HMGCLL1: variants seen among roughly 807,000 people sequenced by gnomAD.
HMGCLL1 encodes the protein 3-hydroxymethyl-3-methylglutaryl-CoA lyase, cytoplasmic.
HMGCLL1 carries 36 observed loss-of-function variants against 39.1 expected under a neutral mutation model. The observed-to-expected ratio is 0.92, with a 90% CI of 0.71 to 1.22. The LOEUF (loss-of-function observed/expected upper bound fraction) is 1.22, where lower values mean the gene tolerates loss of function less well. Among genes scored for constraint, HMGCLL1 ranks in the 50% most tolerant of loss-of-function variants. The pLI, the probability that HMGCLL1 is intolerant of heterozygous loss-of-function variation, is 0.00. For missense variants in HMGCLL1, 451 were observed against 416.5 expected (o/e 1.08, Z -0.72); for synonymous variants, 149 against 144.0 (o/e 1.03, Z -0.25).
At chr6:55,497,476 G>A (rs1766641053) in intron 6 of HMGCLL1, among the ~76,000 whole-genome samples, 1 of 152,112 alleles carries the variant, frequency 6.6e-6, no homozygotes, top group African/African-American at 2.4e-5. Flanking sequence ...TTTTATGGCA[G>A]GTGCTGTGCT....
chr6:55,577,216 G>A (rs1771803450), intron 1 of HMGCLL1: 1 of 1,529,262 alleles, frequency 6.5e-7, no homozygotes, highest in Admixed American at 2.0e-5. Context: ...TAGTGCTGCT[G>A]TGAGTTCAAT....
intron 7 of HMGCLL1, among the ~76,000 whole-genome samples, chr6:55,457,825 C>T (rs75290568): frequency 6.6e-6 from 1 of 152,014 alleles, no homozygotes. Context: ...TTTTATTAAC[C>T]CACCTTGAGT....
chr6:55,583,147 G>A (rs1312240593), upstream of HMGCLL1, among the ~76,000 whole-genome samples: 1 of 151,908 alleles, frequency 6.6e-6, no homozygotes, highest in African/African-American at 2.4e-5. Flanking sequence ...TGCATGCTTG[G>A]TAATTTGCTT....
chr6:55,520,852 A>T (rs1768000855), intron 3 of HMGCLL1, among the ~76,000 whole-genome samples: 1 of 148,352 alleles, frequency 6.7e-6, no homozygotes, highest in Non-Finnish European at 1.5e-5. Context: ...ACAGTCTGGA[A>T]ATGGCAATAT....
chr6:55,558,450 A>G (rs1770779453), intron 1 of HMGCLL1, among the ~76,000 whole-genome samples: 1 of 152,178 alleles, frequency 6.6e-6, no homozygotes, highest in South Asian at 2.1e-4. Context: ...AGGACCATAA[A>G]TTACTTGATT....
intron 7 of HMGCLL1, among the ~76,000 whole-genome samples, chr6:55,460,636 G>GA (rs887334146): frequency 3.3e-5 from 5 of 151,194 alleles, no homozygotes; most frequent in African/African-American, 4.9e-5. Flanking sequence ...CTATTACTAG[G>GA]AAAAAAAATA....
intron 8 of HMGCLL1, among the ~76,000 whole-genome samples, chr6:55,436,459 C>G (rs1763376377): frequency 1.3e-5 from 2 of 151,914 alleles, no homozygotes; most frequent in South Asian, 2.1e-4. Context: ...AGGACATGCT[C>G]TTGGCTTTAG....
In HMGCLL1 at chr6:55,513,867, C is replaced by T. The variant is rs973374103; in HGVS notation, c.542+181G>A. ...ACACATTCCACAAGCTAGATACTCA[C>T]TAATAATCAGCAGTGATGTTAATGA... On this transcript the variant is annotated intron_variant, in intron 5 of 8. Coordinates refer to ENST00000274901, the MANE Select transcript of HMGCLL1 (RefSeq NM_001042406.2). The T allele has an allele frequency of 2.1e-5, 12 of 569,598 alleles. No homozygotes were observed. In the African/African-American group the frequency reaches 2.1e-4, roughly 10 times the overall value. 35.3% of individuals were successfully genotyped at this position (569,598 alleles called of 1,614,324 possible).
chr6:55,627,766 T>C, the HMGCLL1 span, among the ~76,000 whole-genome samples: 3 of 144,152 alleles, frequency 2.1e-5, no homozygotes, highest in East Asian at 4.1e-4. Flanking sequence ...CCCTTGAACA[T>C]TGGACTCCAG....
intron 5 of HMGCLL1, among the ~76,000 whole-genome samples, chr6:55,511,899 C>T (rs1251990473): frequency 6.6e-6 from 1 of 152,056 alleles, no homozygotes; most frequent in African/African-American, 2.4e-5. Flanking sequence ...ACAAAATCCA[C>T]ACTGGAAAAC....
At chr6:55,445,252 C>T (rs145603942) in intron 7 of HMGCLL1, among the ~76,000 whole-genome samples, 1 of 151,690 alleles carries the variant, frequency 6.6e-6, no homozygotes, top group African/African-American at 2.4e-5. Flanking sequence ...TACTGTTATC[C>T]TTATACTAAA....
At chr6:55,672,822 T>A in the HMGCLL1 span, among the ~76,000 whole-genome samples, 11 of 151,978 alleles carry the variant, frequency 7.2e-5, no homozygotes, top group Admixed American at 5.9e-4. Flanking sequence ...CACTTCTGCA[T>A]GTGTGAAGTA....
chr6:55,656,989 T>C, the HMGCLL1 span, among the ~76,000 whole-genome samples: 3 of 151,962 alleles, frequency 2.0e-5, no homozygotes, highest in African/African-American at 7.2e-5. Flanking sequence ...CAGAATTTGC[T>C]GATGAATTAA....
intron 7 of HMGCLL1, among the ~76,000 whole-genome samples, chr6:55,484,906 T>C (rs1765937458): frequency 7.3e-6 from 1 of 136,608 alleles, no homozygotes; most frequent in Non-Finnish European, 1.5e-5. Flanking sequence ...CTCAAAACCC[T>C]GTAATTTTTT....
At chr6:55,442,888 G>A (rs769032055) in intron 7 of HMGCLL1, among the ~76,000 whole-genome samples, 66 of 152,096 alleles carry the variant, frequency 4.3e-4, no homozygotes, top group South Asian at 1.2e-3. Context: ...ATGTTGACCC[G>A]TCTCTGGGAG....
At chr6:55,617,010 G>GA in the HMGCLL1 span, among the ~76,000 whole-genome samples, 2 of 151,912 alleles carry the variant, frequency 1.3e-5, no homozygotes, top group Admixed American at 6.6e-5. Flanking sequence ...AAGACAAAGA[G>GA]AAAAAAGGAT....
chr6:55,567,350 T>A (rs958922476), intron 1 of HMGCLL1, among the ~76,000 whole-genome samples: 1 of 152,098 alleles, frequency 6.6e-6, no homozygotes, highest in Non-Finnish European at 1.5e-5. Flanking sequence ...ATAGATTAGA[T>A]AGATGGATGA....
At chr6:55,613,998 T>C in the HMGCLL1 span, among the ~76,000 whole-genome samples, 1 of 152,306 alleles carries the variant, frequency 6.6e-6, no homozygotes, top group African/African-American at 2.4e-5. Flanking sequence ...ACTAATATTA[T>C]ATTCTGAACA....
At chr6:55,545,837 G>C (rs1222432878) in intron 1 of HMGCLL1, among the ~76,000 whole-genome samples, 2 of 152,068 alleles carry the variant, frequency 1.3e-5, no homozygotes, top group Non-Finnish European at 1.5e-5. Context: ...CTCAGGAAGA[G>C]ACTAAAGATC....
Sources: allele counts gnomAD v4.1 joint callset (sites outside exome capture counted in the v4.1 genomes callset), GRCh38; gene constraint gnomAD v4.1.1; transcripts MANE v1.5; gene names NCBI Gene and HGNC (gene_info 2026-07-23, HGNC 2026-07-21).